Variants in PCYOX1 observed in about 807,000 individuals in gnomAD.
PCYOX1 encodes the protein prenylcysteine lyase.
A neutral mutation model predicts 46.4 loss-of-function variants in PCYOX1; 46 were observed. The ratio of observed to expected loss-of-function variants is 0.99; its 90% CI spans 0.78 to 1.27. The LOEUF is 1.27. PCYOX1 is among the 50% of genes most tolerant of loss of function. The probability of loss-of-function intolerance (pLI) is 0.00; values close to 1 mark genes in which losing one functional copy is unlikely to be tolerated. For missense variants in PCYOX1, 658 were observed against 628.3 expected, an observed-to-expected ratio of 1.05 and a Z score of -0.51; for synonymous variants, 220 against 231.8, an observed-to-expected ratio of 0.95 and a Z score of 0.46.
chr2:70,275,207 C>A, intron 4 of PCYOX1, 37 bp downstream of exon 4: 1 of 1,486,946 alleles, frequency 6.7e-7, no homozygotes. Context: ...GACATTAGTT[C>A]ACAGAGGGGC....
intron 2 of PCYOX1, among the ~76,000 whole-genome samples, chr2:70,259,897 C>T (rs759033103): frequency 6.6e-6 from 1 of 152,086 alleles, no homozygotes; most frequent in Non-Finnish European, 1.5e-5. Context: ...CTCACTGCAA[C>T]CTCTGCCTCC....
Position 70,277,091 on chromosome 2 carries a change from A to G in PCYOX1, c.1217A>G (p.Lys406Arg). The G allele has an allele frequency of 6.2e-7, 1 of 1,614,022 alleles. No individual in the cohort carries two copies. The highest frequency in any genetic ancestry group is 8.5e-7 in the Non-Finnish European group (1 of 1,179,840). The change falls in exon 6 of 6, where the codon AAG becomes AGG. Residue 406 changes from lysine to arginine, a missense_variant. Physicochemically the swap from Lys to Arg is conservative, Grantham distance 26. Transcript: ENST00000433351. ...EPSTDGTYVWKIFSQETLTKA... is the reference protein window; with the variant it reads ...EPSTDGTYVWRIFSQETLTKA... ...TCAACAGATGGAACATATGTTTGGA[A>G]GATCTTTTCCCAAGAAACTCTTACT... is the stretch of plus-strand genomic sequence containing the variant.
chr2:70,264,850 T>C (rs950485331), intron 3 of PCYOX1, among the ~76,000 whole-genome samples: 3 of 151,820 alleles, frequency 2.0e-5, no homozygotes, highest in Non-Finnish European at 2.9e-5. Flanking sequence ...TCCGCCTTGC[T>C]AAAAATACAA....
rs1471812735 is a variant in PCYOX1, at chr2:70,280,314, T to C, written c.*2922T>C. 6.6e-6 allele frequency: 1 copy of C among 152,162 alleles called. No individual in the cohort carries two copies. Among genetic ancestry groups the C allele is most frequent in the Admixed American group, 6.6e-5 (1 of 15,256 alleles). 9.4% of individuals were successfully genotyped at this position (152,162 alleles called of 1,614,324 possible). A position where few individuals can be genotyped will look rare whatever the true frequency, so the allele number is the denominator to read the frequency against. On this transcript the variant is annotated 3_prime_UTR_variant, in exon 6 of 6. Transcript: ENST00000433351. ...TAGGTAGTTTTATGCAACTATAGTA[T>C]TAAGAGTTTTATTGGAAGAAAAAAC... is the stretch of plus-strand genomic sequence containing the variant.
chr2:70,272,971 T>C (rs544445085), intron 3 of PCYOX1, among the ~76,000 whole-genome samples: 24 of 152,276 alleles, frequency 1.6e-4, no homozygotes, highest in Non-Finnish European at 2.9e-4. Flanking sequence ...GTGCTAGGAT[T>C]ACAGGCATGA....
chr2:70,260,770 T>C (rs1399374093), intron 2 of PCYOX1, among the ~76,000 whole-genome samples: 1 of 152,184 alleles, frequency 6.6e-6, no homozygotes, highest in Non-Finnish European at 1.5e-5. Flanking sequence ...CTCACAGGAA[T>C]GGAAGTGCCT....
rs532173726 is a variant in PCYOX1, at chr2:70,258,247, C to T, written c.83C>T (p.Ala28Val). 66 of 1,593,884 alleles carry T rather than the reference C, an allele frequency of 4.1e-5. No homozygotes were observed. The East Asian group carries it at 1.4e-3, about 34-fold the overall frequency. The change falls in exon 1 of 6, where the codon GCC becomes GTC. Residue 28 changes from alanine to valine, a missense_variant. Coordinates refer to ENST00000433351, the MANE Select transcript of PCYOX1 (RefSeq NM_016297.4). ...TGCAGCTGCGGATGCCCCGAGGGCG[C>T]CGAGCTGCGTGCTCCGCCAGATAAA... ...LLCSCGCPEG[A>V]ELRAPPDKIA...
At chr2:70,273,281 G>C (rs1243412242) in intron 3 of PCYOX1, among the ~76,000 whole-genome samples, 2 of 152,146 alleles carry the variant, frequency 1.3e-5, no homozygotes, top group Non-Finnish European at 2.9e-5. Flanking sequence ...GAAGAATTCA[G>C]TGTTTCCATC....
At chr2:70,273,225 A>C (rs1696626051) in intron 3 of PCYOX1, among the ~76,000 whole-genome samples, 1 of 152,184 alleles carries the variant, frequency 6.6e-6, no homozygotes, top group African/African-American at 2.4e-5. Context: ...CATTAGCCAA[A>C]GATCACTCTT....
At chr2:70,266,375 A>G (rs904761356) in intron 3 of PCYOX1, among the ~76,000 whole-genome samples, 7 of 152,166 alleles carry the variant, frequency 4.6e-5, no homozygotes, top group African/African-American at 1.7e-4. Flanking sequence ...CAGAGCTTCT[A>G]GAAGGAACCA....
At chr2:70,262,317 C>A (rs1696451567) in intron 3 of PCYOX1, among the ~76,000 whole-genome samples, 1 of 151,484 alleles carries the variant, frequency 6.6e-6, no homozygotes, top group Non-Finnish European at 1.5e-5. Context: ...AGATGCCTGC[C>A]ACCACGCCCA....
intron 3 of PCYOX1, among the ~76,000 whole-genome samples, chr2:70,273,895 G>A (rs1024925399): frequency 2.0e-5 from 3 of 152,198 alleles, no homozygotes; most frequent in African/African-American, 7.2e-5. Flanking sequence ...GAGGCTTCTG[G>A]AGATGATATA....
In PCYOX1 at chr2:70,276,940, A is replaced by G. The variant is rs1696680184; in HGVS notation, c.1066A>G (p.Ile356Val). Residue 356 changes from isoleucine to valine, a missense_variant, in exon 6 of 6, where the codon ATC becomes GTC. Physicochemically the swap from Ile to Val is conservative, Grantham distance 29. Transcript: ENST00000433351. ...TLVKGELNTS[I>V]FSSRPIDKFG... Reference sequence around the variant, plus strand: ...AGTTAAGGGGGAATTGAATACATCTATCTTTAGCTCTAGACCCATAGATAA... The same window carrying G: ...AGTTAAGGGGGAATTGAATACATCTGTCTTTAGCTCTAGACCCATAGATAA... The G allele has an allele frequency of 1.9e-6, 3 of 1,612,176 alleles. No individual in the cohort carries two copies. The highest frequency in any genetic ancestry group is 2.5e-6 in the Non-Finnish European group (3 of 1,178,316).
At chr2:70,259,587 A>G in intron 2 of PCYOX1, 21 bp downstream of exon 2, 1 of 1,546,932 alleles carries the variant, frequency 6.5e-7, no homozygotes, top group East Asian at 2.2e-5. Flanking sequence ...TTGGTCTTGG[A>G]GCTCACCAGA....
rs1020505159 is a variant in PCYOX1 at position 70,279,199 on chromosome 2, A to G, written c.*1807A>G. 1 of 151,858 alleles carries G rather than the reference A, an allele frequency of 6.6e-6. No homozygotes were observed. The highest frequency in any genetic ancestry group is 2.4e-5 in the African/African-American group (1 of 41,416). The allele number at this position is 151,858 out of a possible 1,614,324, so 9.4% of individuals were successfully genotyped here. Reference sequence around the variant, plus strand: ...TAAACTTTGGTTCTGAGTAAAAATGACTTCTTCCCTACCACAGTTGTGAAT... The same window carrying G: ...TAAACTTTGGTTCTGAGTAAAAATGGCTTCTTCCCTACCACAGTTGTGAAT... On this transcript the variant is annotated 3_prime_UTR_variant, in exon 6 of 6. Coordinates refer to ENST00000433351, the MANE Select transcript of PCYOX1 (RefSeq NM_016297.4).
chr2:70,258,280 G>C lies in PCYOX1; in HGVS notation c.112+4G>C. 6.4e-7 allele frequency: 1 copy of C among 1,570,642 alleles called. No individual in the cohort carries two copies. Among genetic ancestry groups the C allele is most frequent in the Non-Finnish European group, 8.6e-7 (1 of 1,163,228 alleles). On this transcript the variant is annotated splice_donor_region_variant and intron_variant, in intron 1 of 5. Coordinates refer to ENST00000433351, the MANE Select transcript of PCYOX1 (RefSeq NM_016297.4). ...CGTGCTCCGCCAGATAAAATCGGTA[G>C]GCGAGAAGGGGGCGGCGCGGGAAGG...
chr2:70,273,374 C>T (rs962875867), intron 3 of PCYOX1, among the ~76,000 whole-genome samples: 2 of 152,096 alleles, frequency 1.3e-5, no homozygotes, highest in Admixed American at 6.6e-5. Flanking sequence ...GCATAGATAT[C>T]GAATCAGTTT....
Position 70,276,978 on chromosome 2 carries a change from T to C in PCYOX1, c.1104T>C (p.Asn368=). 6.2e-7 allele frequency: 1 copy of C among 1,614,054 alleles called. No individual in the cohort carries two copies. The highest frequency in any genetic ancestry group is 8.5e-7 in the Non-Finnish European group (1 of 1,179,882). The change falls in exon 6 of 6, where the codon AAT becomes AAC. Residue 368 remains asparagine, a synonymous_variant. Coordinates refer to ENST00000433351, the MANE Select transcript of PCYOX1 (RefSeq NM_016297.4). ...SSRPIDKFGL[N]TVLTTDNSDL... Reference sequence around the variant, plus strand: ...GACCCATAGATAAATTTGGCCTTAATACAGTTTTAACCACTGATAATTCAG... The same window carrying C: ...GACCCATAGATAAATTTGGCCTTAACACAGTTTTAACCACTGATAATTCAG...
chr2:70,260,303 G>A (rs1696417976), intron 2 of PCYOX1, among the ~76,000 whole-genome samples: 1 of 152,172 alleles, frequency 6.6e-6, no homozygotes, highest in Non-Finnish European at 1.5e-5. Flanking sequence ...CCAGCACTTT[G>A]GGAGGCCGAG....
Sources: allele counts gnomAD v4.1 joint callset (sites outside exome capture counted in the v4.1 genomes callset), GRCh38; gene constraint gnomAD v4.1.1; transcripts MANE v1.5; gene names NCBI Gene and HGNC (gene_info 2026-07-23, HGNC 2026-07-21).